The following LRRC37A variants were observed in gnomAD, a reference collection of about 807,000 sequenced individuals.
The protein encoded by LRRC37A is leucine rich repeat containing 37A, also known as leucine-rich repeat-containing protein 37A.
In LRRC37A, 3 loss-of-function variants were observed where a neutral mutation model predicts 35.4. The ratio of observed to expected loss-of-function variants is 0.08; its 90% CI spans 0.04 to 0.22. The LOEUF (loss-of-function observed/expected upper bound fraction) is 0.22. Ranked by LOEUF, LRRC37A falls within the 10% of genes least tolerant of loss-of-function variation. The pLI, the probability that LRRC37A is intolerant of heterozygous loss-of-function variation, is 1.00. For missense variants in LRRC37A, 67 were observed against 565.3 expected (o/e 0.12, Z 8.94); for synonymous variants, 23 against 215.0 (o/e 0.11, Z 7.81).
chr17:46,332,959 A>C (rs1322830140), intron 10 of LRRC37A, among the ~76,000 whole-genome samples: 1 of 151,160 alleles, frequency 6.6e-6, no homozygotes, highest in Non-Finnish European at 1.5e-5. Context: ...AATTGGATGT[A>C]CTCATCAAGT....
the LRRC37A span, among the ~76,000 whole-genome samples, chr17:46,279,404 G>C: frequency 1.3e-5 from 2 of 151,094 alleles, no homozygotes; most frequent in Non-Finnish European, 2.9e-5. Context: ...GGCTGGTCTT[G>C]AACTCCCGAC....
At chr17:46,263,781 G>A in the LRRC37A span, among the ~76,000 whole-genome samples, 2 of 151,662 alleles carry the variant, frequency 1.3e-5, no homozygotes, top group African/African-American at 2.4e-5. Context: ...TTGAACCTGG[G>A]AGGTGGAGGT....
At chr17:46,255,642 C>T in the LRRC37A span, among the ~76,000 whole-genome samples, 3,179 of 149,014 alleles carry the variant, frequency 0.021, 97 homozygotes, top group African/African-American at 0.066. Context: ...CTGGGATTAC[C>T]AGCATGAGCC....
At chr17:46,259,193 A>G in the LRRC37A span, among the ~76,000 whole-genome samples, 1 of 151,166 alleles carries the variant, frequency 6.6e-6, no homozygotes, top group African/African-American at 2.4e-5. Context: ...CCCCACAAAT[A>G]AAAACCAACA....
the LRRC37A span, among the ~76,000 whole-genome samples, chr17:46,253,563 G>A: frequency 6.6e-6 from 1 of 152,068 alleles, no homozygotes; most frequent in Non-Finnish European, 1.5e-5. Flanking sequence ...CCCGGCCAAC[G>A]CAGCGAAACC....
chr17:46,267,587 G>T, the LRRC37A span: 1 of 1,609,656 alleles, frequency 6.2e-7, no homozygotes. Flanking sequence ...GGGTGCCACA[G>T]CCCGGGCTGT....
the LRRC37A span, chr17:46,259,876 A>G: frequency 6.4e-7 from 1 of 1,565,374 alleles, no homozygotes; most frequent in South Asian, 1.2e-5. Context: ...GTCCCTTGCC[A>G]AGGCCAACTG....
chr17:46,290,532 C>T (rs1305109052), upstream of LRRC37A, among the ~76,000 whole-genome samples: 13 of 152,228 alleles, frequency 8.5e-5, no homozygotes, highest in South Asian at 2.1e-4. Context: ...CTGCAACCTC[C>T]GCCTTCTGGG....
Position 46,324,523 on chromosome 17 carries a change from A to AT in LRRC37A, c.3053+1503dup, listed in dbSNP as rs1309735372. Among the ~76,000 whole-genome samples, 2 of 72,166 alleles carry AT rather than the reference A, an allele frequency of 2.8e-5. 1 individual carries two copies. The highest frequency in any genetic ancestry group is 8.2e-5 in the Non-Finnish European group (2 of 24,490). The allele number at this position is 72,166 out of a possible 152,430, so 47.3% of individuals were successfully genotyped here. Reference sequence around the variant, plus strand: ...ATGTGATGTATCTTTTTTATTTTTTATTTTTTTGTAGAAATGAGGTCTCAG... The same window carrying AT: ...ATGTGATGTATCTTTTTTATTTTTTATTTTTTTTGTAGAAATGAGGTCTCAG... On this transcript the variant is annotated intron_variant, in intron 7 of 13. Transcript: ENST00000320254.
Position 46,314,856 on chromosome 17 carries a change from T to C in LRRC37A, c.2907-7466T>C, listed in dbSNP as rs1394488973. ...CCAGGTTAATATCACCCTCATAGAATAAGTTAGGAAATGTTCTCTCCTCAT... is the reference window on the plus strand; with the variant it reads ...CCAGGTTAATATCACCCTCATAGAACAAGTTAGGAAATGTTCTCTCCTCAT... On this transcript the variant is annotated intron_variant, in intron 5 of 13. Transcript: ENST00000320254. 1.8e-4 allele frequency among the ~76,000 whole-genome samples: 15 copies of C among 81,786 alleles called. 5 individuals are homozygous for C. Among genetic ancestry groups the C allele is most frequent in the Admixed American group, 1.6e-3 (13 of 7,944 alleles). The allele number at this position is 81,786 out of a possible 152,430, so 53.7% of individuals were successfully genotyped here. A position where few individuals can be genotyped will look rare whatever the true frequency, so the allele number is the denominator to read the frequency against.
At chr17:46,332,714 A>C in intron 10 of LRRC37A, 58 bp downstream of exon 10, 1 of 671,170 alleles carries the variant, frequency 1.5e-6, no homozygotes, top group Non-Finnish European at 2.4e-6. Context: ...GTGTGGATTC[A>C]GAGCTCACAA....
At chr17:46,267,459 T>C in the LRRC37A span, 3 of 1,612,848 alleles carry the variant, frequency 1.9e-6, no homozygotes, top group East Asian at 6.7e-5. Context: ...TTCTTCCGAG[T>C]CCACATGTTA....
the LRRC37A span, chr17:46,260,457 G>A: frequency 2.0e-5 from 32 of 1,572,574 alleles, no homozygotes; most frequent in Non-Finnish European, 2.8e-5. Flanking sequence ...GACCCAGCCG[G>A]CGGCGGGCTG....
chr17:46,261,179 A>G, the LRRC37A span, among the ~76,000 whole-genome samples: 1 of 152,216 alleles, frequency 6.6e-6, no homozygotes, highest in Admixed American at 6.5e-5. Flanking sequence ...TTACGTAACC[A>G]AACACCAGCT....
At chr17:46,280,166 C>T in the LRRC37A span, among the ~76,000 whole-genome samples, 2 of 152,156 alleles carry the variant, frequency 1.3e-5, no homozygotes, top group Non-Finnish European at 2.9e-5. Context: ...TGCCTTGAGA[C>T]CAGCTTGGCC....
chr17:46,276,826 C>T, the LRRC37A span, among the ~76,000 whole-genome samples: 1 of 137,322 alleles, frequency 7.3e-6, no homozygotes, highest in Non-Finnish European at 1.5e-5. Context: ...TGTTTTGAGA[C>T]AGGGTCTCAC....
chr17:46,314,491 C>T (rs1188018402), intron 5 of LRRC37A, among the ~76,000 whole-genome samples: 1 of 81,104 alleles, frequency 1.2e-5, no homozygotes, highest in African/African-American at 3.2e-5. Flanking sequence ...CAGAGTGAGA[C>T]TCCAATGGAG....
intron 5 of LRRC37A, chr17:46,311,065 G>A: frequency 4.8e-6 from 1 of 206,574 alleles, no homozygotes; most frequent in Admixed American, 7.7e-5. Flanking sequence ...CCAGGAGGTG[G>A]AGTTTGCAGT....
intron 10 of LRRC37A, among the ~76,000 whole-genome samples, chr17:46,332,983 C>G (rs2052085346): frequency 6.7e-6 from 1 of 150,224 alleles, no homozygotes; most frequent in Admixed American, 6.7e-5. Context: ...CCTTACTCTG[C>G]CACTAATTTA....
Sources: allele counts gnomAD v4.1 joint callset (sites outside exome capture counted in the v4.1 genomes callset), GRCh38; gene constraint gnomAD v4.1.1; transcripts MANE v1.5; gene names NCBI Gene and HGNC (gene_info 2026-07-23, HGNC 2026-07-21).